PTPRM: variants seen among roughly 807,000 people sequenced by gnomAD.
PTPRM encodes the protein protein tyrosine phosphatase receptor type M, also known as receptor-type tyrosine-protein phosphatase mu.
In PTPRM, 47 loss-of-function variants were observed where a neutral mutation model predicts 186.7. The ratio of observed to expected loss-of-function variants is 0.25; its 90% CI spans 0.20 to 0.32. The LOEUF is 0.32. PTPRM is among the 10% of genes least tolerant of loss of function. The pLI is 1.00. For missense variants in PTPRM, 1,494 were observed against 1,865.0 expected (o/e 0.80, Z 3.66); for synonymous variants, 668 against 674.9 (o/e 0.99, Z 0.16).
intron 2 of PTPRM, among the ~76,000 whole-genome samples, chr18:7,802,225 T>C (rs140595332): frequency 4.1e-4 from 63 of 152,320 alleles, no homozygotes; most frequent in African/African-American, 1.3e-3. Context: ...CTTCTGACTC[T>C]GTTTGCTCAG....
In PTPRM at chr18:8,166,681, C is replaced by T. The variant is rs529498578; in HGVS notation, c.2300+22902C>T. Among the ~76,000 whole-genome samples the T allele has an allele frequency of 8.5e-5, 13 of 152,278 alleles. No individual in the cohort carries two copies. In the South Asian group the frequency reaches 1.0e-3, roughly 12 times the overall value. The stretch of plus-strand genomic sequence containing the variant: ...ACTAAGCCCTGCTGTAAGCTTTTTA[C>T]GAGTATTATCACTGTTTCGCTTTGT... On this transcript the variant is annotated intron_variant, in intron 14 of 32. Coordinates refer to ENST00000580170, the MANE Select transcript of PTPRM (RefSeq NM_001105244.2).
intron 14 of PTPRM, among the ~76,000 whole-genome samples, chr18:8,175,148 T>A (rs1054628464): frequency 1.3e-5 from 2 of 152,200 alleles, no homozygotes; most frequent in Non-Finnish European, 2.9e-5. Context: ...GTTCTCTAGA[T>A]TGAGCTTCGT....
At chr18:8,018,840 G>A (rs1036061860) in intron 7 of PTPRM, among the ~76,000 whole-genome samples, 2 of 152,114 alleles carry the variant, frequency 1.3e-5, no homozygotes, top group Non-Finnish European at 2.9e-5. Flanking sequence ...GGCCTTGTGT[G>A]TTTTGCCGTA....
At chr18:8,195,225 A>G (rs2093761111) in intron 14 of PTPRM, among the ~76,000 whole-genome samples, 1 of 137,930 alleles carries the variant, frequency 7.3e-6, no homozygotes, top group African/African-American at 2.8e-5. Context: ...CAAGGACTTC[A>G]TTGGCTACCT....
chr18:7,821,558 G>GT (rs1281635277), intron 2 of PTPRM, among the ~76,000 whole-genome samples: 1 of 151,994 alleles, frequency 6.6e-6, no homozygotes, highest in African/African-American at 2.4e-5. Context: ...TATATACTAT[G>GT]TTTTTTTCCT....
chr18:8,307,817 T>A (rs1010183732), intron 20 of PTPRM, among the ~76,000 whole-genome samples: 14 of 148,736 alleles, frequency 9.4e-5, no homozygotes, highest in East Asian at 7.9e-4. Context: ...AAAAAAAAAA[T>A]AAAAATAAAA....
chr18:8,386,391 A>G (rs2095773457), intron 30 of PTPRM, among the ~76,000 whole-genome samples: 2 of 151,984 alleles, frequency 1.3e-5, no homozygotes, highest in Non-Finnish European at 2.9e-5. Context: ...GCAGAGAGAG[A>G]GGGAGGGACT....
At chr18:7,981,160 T>G (rs2082529777) in intron 7 of PTPRM, among the ~76,000 whole-genome samples, 1 of 152,140 alleles carries the variant, frequency 6.6e-6, no homozygotes, top group South Asian at 2.1e-4. Flanking sequence ...CCTACCTCTC[T>G]GCCCCCCGCC....
At chr18:8,303,961 C>T (rs548187242) in intron 20 of PTPRM, among the ~76,000 whole-genome samples, 1 of 152,292 alleles carries the variant, frequency 6.6e-6, no homozygotes, top group South Asian at 2.1e-4. Flanking sequence ...ACGGGAGGAG[C>T]AAATCCATTA....
In PTPRM at chr18:7,852,453, C is replaced by T. The variant is rs533877133; in HGVS notation, c.197-35653C>T. Among the ~76,000 whole-genome samples the T allele has an allele frequency of 2.7e-4, 41 of 151,938 alleles. 1 individual carries two copies. In the South Asian group the frequency reaches 7.5e-3, roughly 28 times the overall value. ...TAGAAAAGAAACAACTTTGGGAGGC[C>T]GAGACTGGCAGATCATGAGGTCAGA... On this transcript the variant is annotated intron_variant, in intron 2 of 32. Transcript: ENST00000580170.
intron 1 of PTPRM, among the ~76,000 whole-genome samples, chr18:7,679,806 CTG>C (rs748775426): frequency 9.9e-5 from 15 of 152,096 alleles, no homozygotes; most frequent in Non-Finnish European, 1.8e-4. Flanking sequence ...AATAGGAAGA[CTG>C]TGCTCCATTA....
intron 2 of PTPRM, among the ~76,000 whole-genome samples, chr18:7,781,949 C>T (rs924787480): frequency 6.6e-6 from 1 of 152,124 alleles, no homozygotes; most frequent in Non-Finnish European, 1.5e-5. Flanking sequence ...CACTAGTGAG[C>T]ATTCGTCCTC....
intron 14 of PTPRM, among the ~76,000 whole-genome samples, chr18:8,149,971 G>A (rs1393584086): frequency 6.6e-6 from 1 of 152,104 alleles, no homozygotes; most frequent in Non-Finnish European, 1.5e-5. Flanking sequence ...GTTGAATATT[G>A]GGCCCCACTC....
chr18:7,897,450 C>G (rs1386826504), intron 3 of PTPRM, among the ~76,000 whole-genome samples: 1 of 152,106 alleles, frequency 6.6e-6, no homozygotes, highest in Non-Finnish European at 1.5e-5. Flanking sequence ...CTCTCTCAAG[C>G]AGGAAAGCTA....
intron 19 of PTPRM, chr18:8,269,918 C>T (rs2094749187): frequency 6.6e-6 from 1 of 151,984 alleles, no homozygotes; most frequent in African/African-American, 2.4e-5. Context: ...AGACCCGAGA[C>T]AGTAAAACTC....
chr18:7,788,107 A>G (rs1437320457), intron 2 of PTPRM, among the ~76,000 whole-genome samples: 2 of 152,230 alleles, frequency 1.3e-5, no homozygotes, highest in Non-Finnish European at 1.5e-5. Context: ...AGTTACAGTT[A>G]CAGGCTCAGA....
chr18:8,089,998 G>A (rs1419261688), intron 11 of PTPRM, among the ~76,000 whole-genome samples: 4 of 152,138 alleles, frequency 2.6e-5, no homozygotes, highest in African/African-American at 9.7e-5. Flanking sequence ...CATGCTTGCT[G>A]TTCATAGATG....
At chr18:8,170,350 C>T (rs1416193639) in intron 14 of PTPRM, among the ~76,000 whole-genome samples, 1 of 152,096 alleles carries the variant, frequency 6.6e-6, no homozygotes, top group African/African-American at 2.4e-5. Flanking sequence ...GTGCTGGCCG[C>T]ACAGTTATAG....
intron 7 of PTPRM, among the ~76,000 whole-genome samples, chr18:8,046,257 G>C (rs576701963): frequency 6.6e-6 from 1 of 152,124 alleles, no homozygotes; most frequent in African/African-American, 2.4e-5. Context: ...AAATTATCCA[G>C]TCTCAGGTAT....
Sources: allele counts gnomAD v4.1 joint callset (sites outside exome capture counted in the v4.1 genomes callset), GRCh38; gene constraint gnomAD v4.1.1; transcripts MANE v1.5; gene names NCBI Gene and HGNC (gene_info 2026-07-23, HGNC 2026-07-21).